SYNJ1: variants seen among roughly 807,000 people sequenced by gnomAD.
SYNJ1 encodes the protein polyphosphatidylinositol phosphatase SYNJ1.
Under a neutral mutation model 168.2 loss-of-function variants are expected in SYNJ1, and 78 were observed. That is an observed-to-expected ratio of 0.46 (90% CI 0.39 to 0.56). SYNJ1 has a LOEUF of 0.56. Ranked by LOEUF, SYNJ1 falls within the 20% of genes least tolerant of loss-of-function variation. The probability of loss-of-function intolerance (pLI) is 0.00; values close to 1 mark genes in which losing one functional copy is unlikely to be tolerated. For missense variants in SYNJ1, 1,303 were observed against 1,597.6 expected, an observed-to-expected ratio of 0.82 and a Z score of 3.14; for synonymous variants, 539 against 548.6, an observed-to-expected ratio of 0.98 and a Z score of 0.24.
At chr21:32,688,496 T>C (rs571010285) in intron 6 of SYNJ1, 129 bp from the exon 7 acceptor site, 2 of 718,588 alleles carry the variant, frequency 2.8e-6, no homozygotes, top group Non-Finnish European at 4.3e-6. Context: ...TGATTTCCAT[T>C]CATGATATGC....
intron 12 of SYNJ1, among the ~76,000 whole-genome samples, chr21:32,676,633 G>A (rs1050312007): frequency 5.9e-5 from 9 of 152,140 alleles, no homozygotes; most frequent in Non-Finnish European, 1.2e-4. Flanking sequence ...GCTCCTGTGT[G>A]TATGTTATGC....
chr21:32,667,046 T>C (rs1053014291), intron 15 of SYNJ1, among the ~76,000 whole-genome samples: 2 of 151,626 alleles, frequency 1.3e-5, no homozygotes, highest in Non-Finnish European at 2.9e-5. Flanking sequence ...TAATACAATG[T>C]AATTAGTTGT....
At position 32,642,109 on chromosome 21, in the gene SYNJ1, C is replaced by T; in HGVS notation, c.3503G>A (p.Arg1168Lys). The stretch of plus-strand genomic sequence containing the variant: ...AGTGTTTTTACCTATATTATCTTTC[C>T]TTGTTGTTCCAGGGCTTTTGGGTGC... ...MEAPKSPGTT[R>K]KDNIGRSQPS... is the part of the protein sequence containing the mutation. Residue 1168 changes from arginine (R) to lysine (K), a missense_variant, in exon 28 of 33, where the codon AGG (arginine) becomes AAG (lysine). Arg to Lys is a conservative substitution (Grantham distance 26). Transcript: ENST00000674351. The T allele has an allele frequency of 3.1e-6, 5 of 1,613,978 alleles. No individual in the cohort carries two copies. The highest frequency in any genetic ancestry group is 1.1e-5 in the South Asian group (1 of 91,058).
intron 11 of SYNJ1, among the ~76,000 whole-genome samples, chr21:32,679,463 GATT>G (rs1032807605): frequency 7.2e-5 from 11 of 152,046 alleles, no homozygotes; most frequent in Non-Finnish European, 1.3e-4. Context: ...AGTGAGATTT[GATT>G]ATAACTTTTA....
chr21:32,695,425 G>A lies in SYNJ1; in HGVS notation c.480-143C>T, dbSNP rs564951327. On this transcript the variant is annotated intron_variant, in intron 4 of 32. Coordinates refer to ENST00000674351, the MANE Select transcript of SYNJ1 (RefSeq NM_203446.3). The stretch of plus-strand genomic sequence containing the variant: ...AAATCAATTCATTTACATTTACTAT[G>A]CTAGGGATCAGAAGATAGGGCTATA... The A allele has an allele frequency of 2.6e-3, 2,071 of 797,002 alleles. 7 individuals are homozygous for A. Among genetic ancestry groups the A allele is most frequent in the Middle Eastern group, 3.4e-3 (9 of 2,610 alleles). 49.4% of individuals were successfully genotyped at this position (797,002 alleles called of 1,614,324 possible). A position where few individuals can be genotyped will look rare whatever the true frequency, so the allele number is the denominator to read the frequency against.
chr21:32,657,245 TTGG>T (rs1601310378), intron 19 of SYNJ1, 125 bp from the exon 20 acceptor site: 6 of 663,510 alleles, frequency 9.0e-6, no homozygotes. Flanking sequence ...CCAGAAACAC[TTGG>T]TAATAGGCAG....
rs386352368 is a variant in SYNJ1, at chr21:32,639,733, G to C, written c.3635C>G (p.Ala1212Gly). 1 of 1,614,126 alleles carries C rather than the reference G, an allele frequency of 6.2e-7. No individual in the cohort carries two copies. The highest frequency in any genetic ancestry group is 8.5e-7 in the Non-Finnish European group (1 of 1,180,030). The change falls in exon 30 of 33, where the codon GCG becomes GGG. Residue 1212 changes from alanine to glycine, a missense_variant. Transcript: ENST00000674351. Reference protein sequence around the residue: ...AGVISAPQSHARASAGRLTPE... With the variant: ...AGVISAPQSHGRASAGRLTPE... The stretch of plus-strand genomic sequence containing the variant: ...AGTCAGTCTTCCAGCAGATGCCCGC[G>C]CGTGGCTCTGTGGGGCACTGATAAC...
intron 27 of SYNJ1, 134 bp downstream of exon 27, chr21:32,643,276 G>A (rs560079071): frequency 5.9e-6 from 5 of 842,482 alleles, no homozygotes; most frequent in African/African-American, 5.2e-5. Flanking sequence ...TACATAAGGA[G>A]GGGAAAGAGA....
chr21:32,706,342 G>A (rs1444143174), intron 2 of SYNJ1, among the ~76,000 whole-genome samples: 1 of 152,112 alleles, frequency 6.6e-6, no homozygotes, highest in African/African-American at 2.4e-5. Flanking sequence ...AGAGGATAAG[G>A]ATTAGATAGC....
chr21:32,722,303 C>A (rs1238949363), intron 2 of SYNJ1, among the ~76,000 whole-genome samples: 1 of 150,954 alleles, frequency 6.6e-6, no homozygotes, highest in Non-Finnish European at 1.5e-5. Context: ...ATAATCCCAG[C>A]ACTTTGGGAG....
intron 15 of SYNJ1, among the ~76,000 whole-genome samples, chr21:32,669,180 A>G (rs1356117166): frequency 6.6e-6 from 1 of 152,218 alleles, no homozygotes; most frequent in Non-Finnish European, 1.5e-5. Context: ...TTAAATTGTG[A>G]GTCAAACTGC....
chr21:32,715,098 C>T (rs1309362107), intron 2 of SYNJ1, among the ~76,000 whole-genome samples: 1 of 152,082 alleles, frequency 6.6e-6, no homozygotes, highest in Non-Finnish European at 1.5e-5. Context: ...CCAATGCTAA[C>T]CAAGGAAAGA....
At chr21:32,649,097 C>G (rs2040178487) in intron 23 of SYNJ1, among the ~76,000 whole-genome samples, 1 of 152,204 alleles carries the variant, frequency 6.6e-6, no homozygotes, top group Admixed American at 6.5e-5. Flanking sequence ...AAGCAACTTT[C>G]CCATGAGCTA....
At position 32,726,907 on chromosome 21, in the gene SYNJ1, C is replaced by T. The variant is rs1040540690; in HGVS notation, c.-12G>A. 6.2e-7 allele frequency: 1 copy of T among 1,614,010 alleles called. No individual in the cohort carries two copies. The highest frequency in any genetic ancestry group is 8.5e-7 in the Non-Finnish European group (1 of 1,179,948). ...TTACTGAACGCCATTCTCCTTTCTT[C>T]GGAGGCAGCCCTGCGAAAACCAAGC... On this transcript the variant is annotated 5_prime_UTR_variant, in exon 2 of 33. Coordinates refer to ENST00000674351, the MANE Select transcript of SYNJ1 (RefSeq NM_203446.3).
intron 11 of SYNJ1, among the ~76,000 whole-genome samples, chr21:32,680,413 G>A (rs2041574590): frequency 6.6e-6 from 1 of 152,076 alleles, no homozygotes; most frequent in Admixed American, 6.5e-5. Flanking sequence ...AAATTGTGGA[G>A]ATTTAGAAAG....
rs2040479914 is a variant in SYNJ1 at position 32,656,920 on chromosome 21, G to A, written c.2580-18C>T. 6.2e-7 allele frequency: 1 copy of A among 1,612,044 alleles called. No individual in the cohort carries two copies. Among genetic ancestry groups the A allele is most frequent in the Non-Finnish European group, 8.5e-7 (1 of 1,179,192 alleles). ...CGACAGGCCTTAAGGCATAAAGGAA[G>A]ATAGATGTATTAGAAATGTTTTTAA... On this transcript the variant is annotated intron_variant, in intron 20 of 32. Coordinates refer to ENST00000674351, the MANE Select transcript of SYNJ1 (RefSeq NM_203446.3).
intron 27 of SYNJ1, among the ~76,000 whole-genome samples, 165 bp downstream of exon 27, chr21:32,643,245 G>A (rs1222359272): frequency 1.3e-5 from 2 of 151,530 alleles, no homozygotes; most frequent in Non-Finnish European, 1.5e-5. Context: ...ATAGAATGAA[G>A]AGAGGAAAAA....
At chr21:32,721,112 T>C (rs1479164665) in intron 2 of SYNJ1, among the ~76,000 whole-genome samples, 1 of 152,252 alleles carries the variant, frequency 6.6e-6, no homozygotes, top group Admixed American at 6.5e-5. Flanking sequence ...TATAACTTGC[T>C]AACCATCACA....
chr21:32,697,498 TA>T (rs200017303), intron 4 of SYNJ1, among the ~76,000 whole-genome samples: 60,893 of 143,554 alleles, frequency 0.42, 12,579 homozygotes, highest in African/African-American at 0.5. Flanking sequence ...TTAAGTGAAT[TA>T]AAAAAAAAAA....
Sources: gnomAD v4.1 joint callset for allele counts (sites outside exome capture counted in the v4.1 genomes callset) on GRCh38, gnomAD v4.1.1 for gene constraint, MANE v1.5 for transcripts, NCBI Gene and HGNC (gene_info 2026-07-23, HGNC 2026-07-21) for gene names.